Variants in UBR1 observed in about 807,000 individuals in gnomAD.
UBR1 encodes the protein E3 ubiquitin-protein ligase UBR1.
Under a neutral mutation model 242.1 loss-of-function variants are expected in UBR1, and 102 were observed. The ratio of observed to expected loss-of-function variants is 0.42; its 90% confidence interval spans 0.36 to 0.50. UBR1 has a LOEUF of 0.50. Among genes scored for constraint, UBR1 ranks in the 20% least tolerant of loss-of-function variants. The probability of loss-of-function intolerance (pLI) is 0.01; values close to 1 mark genes in which losing one functional copy is unlikely to be tolerated. For missense variants in UBR1, 1,772 were observed against 2,101.8 expected, an observed-to-expected ratio of 0.84 and a Z score of 3.07; for synonymous variants, 675 against 684.8, an observed-to-expected ratio of 0.99 and a Z score of 0.22.
chr15:43,018,635 C>G (rs541753669), intron 27 of UBR1, among the ~76,000 whole-genome samples: 1 of 152,270 alleles, frequency 6.6e-6, no homozygotes, highest in East Asian at 1.9e-4. Context: ...AAGCAAGCCA[C>G]CCACCTTAGC....
At chr15:42,988,460 A>G (rs1178052556) in intron 35 of UBR1, 2 of 272,330 alleles carry the variant, frequency 7.3e-6, no homozygotes, top group Non-Finnish European at 7.1e-6. Context: ...ACGCCTGGCT[A>G]ATTTTTTGTA....
intron 43 of UBR1, among the ~76,000 whole-genome samples, chr15:42,958,975 C>T (rs919034992): frequency 4.0e-5 from 6 of 151,426 alleles, no homozygotes; most frequent in Non-Finnish European, 8.8e-5. Flanking sequence ...GGATTACAGG[C>T]GCCTGCCACC....
chr15:42,960,553 G>T lies in UBR1; in HGVS notation c.4757+92C>A, dbSNP rs964255939. 11 of 1,283,286 alleles carry T rather than the reference G, an allele frequency of 8.6e-6. 1 individual carries two copies. Among genetic ancestry groups the T allele is most frequent in the Non-Finnish European group, 1.0e-5 (9 of 889,676 alleles). 79.5% of individuals were successfully genotyped at this position (1,283,286 alleles called of 1,614,324 possible). A position where few individuals can be genotyped will look rare whatever the true frequency, so the allele number is the denominator to read the frequency against. The stretch of plus-strand genomic sequence containing the variant: ...GAACACTGTACTGAGTGAGAATGAA[G>T]AAAGCAGACTAGAAACTATGCTCAA... On this transcript the variant is annotated intron_variant, in intron 43 of 46. Coordinates refer to ENST00000290650, the MANE Select transcript of UBR1 (RefSeq NM_174916.3).
intron 32 of UBR1, 75 bp downstream of exon 32, chr15:43,002,480 C>T: frequency 6.5e-7 from 1 of 1,534,032 alleles, no homozygotes; most frequent in Admixed American, 1.8e-5. Flanking sequence ...CTCAGTCTCC[C>T]AAAGTGCTGG....
chr15:43,074,563 G>C (rs2033863346), intron 4 of UBR1, among the ~76,000 whole-genome samples: 1 of 152,118 alleles, frequency 6.6e-6, no homozygotes, highest in African/African-American at 2.4e-5. Context: ...CCAAGTAGCT[G>C]CAATTACAGG....
intron 6 of UBR1, among the ~76,000 whole-genome samples, chr15:43,066,590 A>G (rs1043577008): frequency 6.6e-6 from 1 of 152,164 alleles, no homozygotes; most frequent in Non-Finnish European, 1.5e-5. Flanking sequence ...CTTCCCATCC[A>G]TGAAGATGGA....
intron 14 of UBR1, among the ~76,000 whole-genome samples, chr15:43,044,789 G>A (rs2033463077): frequency 6.6e-6 from 1 of 152,166 alleles, no homozygotes; most frequent in African/African-American, 2.4e-5. Context: ...CAGCTACTCA[G>A]GAGGCTGAGG....
At chr15:43,003,776 G>A in intron 31 of UBR1, 61 bp downstream of exon 31, 1 of 1,492,712 alleles carries the variant, frequency 6.7e-7, no homozygotes, top group Non-Finnish European at 9.3e-7. Flanking sequence ...CCTTTTTGTG[G>A]CCTTGAGTGA....
At chr15:42,971,486 G>C (rs919331780) in intron 39 of UBR1, among the ~76,000 whole-genome samples, 1 of 152,216 alleles carries the variant, frequency 6.6e-6, no homozygotes, top group African/African-American at 2.4e-5. Context: ...GTAGTTTGCT[G>C]TGAGGTATAG....
At chr15:43,032,241 CTT>C (rs1255582358) in intron 20 of UBR1, among the ~76,000 whole-genome samples, 3 of 152,168 alleles carry the variant, frequency 2.0e-5, no homozygotes, top group Admixed American at 6.6e-5. Context: ...AAAGAACACT[CTT>C]TTTCTTTTCT....
chr15:43,059,892 C>T, intron 7 of UBR1, 67 bp from the exon 8 acceptor site: 1 of 1,594,852 alleles, frequency 6.3e-7, no homozygotes, highest in South Asian at 1.1e-5. Flanking sequence ...GGGATTTATA[C>T]TTCAAATGAA....
chr15:42,977,775 A>T, intron 38 of UBR1, 105 bp downstream of exon 38: 4 of 1,044,776 alleles, frequency 3.8e-6, no homozygotes, highest in South Asian at 1.3e-5. Flanking sequence ...TTTATAGATT[A>T]AACACAAAGA....
intron 5 of UBR1, among the ~76,000 whole-genome samples, chr15:43,070,248 TAAAAAAAA>T (rs746635905): frequency 6.3e-4 from 16 of 25,234 alleles, no homozygotes; most frequent in Non-Finnish European, 3.4e-4. Flanking sequence ...GAGTTCTAGC[TAAAAAAAA>T]AAAAAAAAAA....
intron 6 of UBR1, among the ~76,000 whole-genome samples, chr15:43,061,234 G>A (rs1194909960): frequency 6.6e-6 from 1 of 152,106 alleles, no homozygotes; most frequent in Non-Finnish European, 1.5e-5. Context: ...AGCACACAGA[G>A]GCTCACATCA....
chr15:43,068,179 A>C, intron 5 of UBR1, 143 bp from the exon 6 acceptor site: 1 of 389,266 alleles, frequency 2.6e-6, no homozygotes, highest in Non-Finnish European at 4.4e-6. Flanking sequence ...GTAATATAGA[A>C]TTTGATTTTT....
chr15:43,050,219 A>G (rs1728851396), intron 12 of UBR1, among the ~76,000 whole-genome samples: 1 of 152,050 alleles, frequency 6.6e-6, no homozygotes, highest in South Asian at 2.1e-4. Flanking sequence ...AAAGCACATG[A>G]GCCAACGCAA....
At chr15:43,031,000 C>T (rs1297549429) in intron 20 of UBR1, among the ~76,000 whole-genome samples, 1 of 152,142 alleles carries the variant, frequency 6.6e-6, no homozygotes, top group Non-Finnish European at 1.5e-5. Flanking sequence ...CTAGAAGAAA[C>T]CTTAGAGATC....
rs1407743315 is a variant in UBR1, at chr15:42,998,181, T to A, written c.3744A>T (p.Ile1248=). ...ATTTAAGCAAACCTTTAGCATGTCT[T>A]ATATTATAACCTGATATTCTGGCCA... ...TVLARISGYN[I]RHAKGENPIP... is the part of the protein sequence containing the mutation. The change falls in exon 33 of 47, where the codon ATA becomes ATT. Residue 1248 remains isoleucine (I), a synonymous_variant. Coordinates refer to ENST00000290650, the MANE Select transcript of UBR1 (RefSeq NM_174916.3). 1 of 1,613,508 alleles carries A rather than the reference T, an allele frequency of 6.2e-7. No individual in the cohort carries two copies. The highest frequency in any genetic ancestry group is 8.5e-7 in the Non-Finnish European group (1 of 1,179,702).
chr15:43,017,796 C>T (rs1400175083), intron 27 of UBR1, among the ~76,000 whole-genome samples: 2 of 147,872 alleles, frequency 1.4e-5, no homozygotes, highest in Non-Finnish European at 3.0e-5. Flanking sequence ...GGTGACAGAG[C>T]GAGACCCTGT....
Sources: gnomAD v4.1 joint callset for allele counts (sites outside exome capture counted in the v4.1 genomes callset) on GRCh38, gnomAD v4.1.1 for gene constraint, MANE v1.5 for transcripts, NCBI Gene and HGNC (gene_info 2026-07-23, HGNC 2026-07-21) for gene names.